UBE3A: variants seen among roughly 807,000 people sequenced by gnomAD.
UBE3A encodes ubiquitin protein ligase E3A, also known as ubiquitin-protein ligase E3A.
In UBE3A, 6 loss-of-function variants were observed where a neutral mutation model predicts 83.4. The ratio of observed to expected loss-of-function variants is 0.07; its 90% CI spans 0.04 to 0.14. UBE3A has a LOEUF of 0.14. Among genes scored for constraint, UBE3A ranks in the 10% least tolerant of loss-of-function variants. UBE3A has a pLI of 1.00. For missense variants in UBE3A, 456 were observed against 1,036.1 expected (o/e 0.44, Z 7.69); for synonymous variants, 337 against 355.4 (o/e 0.95, Z 0.58).
chr15:25,390,952 A>AC (rs1311055018), intron 4 of UBE3A, among the ~76,000 whole-genome samples: 1 of 152,016 alleles, frequency 6.6e-6, no homozygotes, highest in African/African-American at 2.4e-5. Context: ...AAAAAAAAAA[A>AC]ATCTAAAAAA....
At chr15:25,414,608 G>A (rs951327572) in intron 1 of UBE3A, among the ~76,000 whole-genome samples, 1 of 152,182 alleles carries the variant, frequency 6.6e-6, no homozygotes, top group African/African-American at 2.4e-5. Flanking sequence ...AACCCTGTGA[G>A]GTAATGATGG....
rs879845995 is a variant in UBE3A, at chr15:25,336,575, T to G, written c.*2562A>C. 2 of 150,436 alleles carry G rather than the reference T, an allele frequency of 1.3e-5. No individual in the cohort carries two copies. The highest frequency in any genetic ancestry group is 2.4e-5 in the African/African-American group (1 of 40,864). 9.3% of individuals were successfully genotyped at this position (150,436 alleles called of 1,614,324 possible). ...GATATGTATCTATCTATCTATCATC[T>G]CCCTATACAAGCAAGCATCCCCAAA... On this transcript the variant is annotated 3_prime_UTR_variant, in exon 13 of 13. Transcript: ENST00000648336.
chr15:25,340,343 TCAGGA>T (rs2074537877), intron 11 of UBE3A, 115 bp from the exon 12 acceptor site: 4 of 1,242,462 alleles, frequency 3.2e-6, no homozygotes, highest in Non-Finnish European at 4.6e-6. Flanking sequence ...AAGTTAATTA[TCAGGA>T]TAGTATCACT....
chr15:25,358,197 C>G (rs534252379), intron 7 of UBE3A, among the ~76,000 whole-genome samples: 33 of 151,968 alleles, frequency 2.2e-4, no homozygotes, highest in African/African-American at 7.2e-4. Flanking sequence ...GATGGAGAAA[C>G]CCCATCTCTA....
chr15:25,376,481 A>C (rs1304976033), intron 4 of UBE3A, among the ~76,000 whole-genome samples: 3 of 151,994 alleles, frequency 2.0e-5, no homozygotes, highest in Non-Finnish European at 4.4e-5. Flanking sequence ...GCTACTCTCT[A>C]CAAACTTTTT....
intron 6 of UBE3A, among the ~76,000 whole-genome samples, chr15:25,366,089 C>T (rs1338822100): frequency 6.6e-6 from 1 of 152,052 alleles, no homozygotes; most frequent in Non-Finnish European, 1.5e-5. Context: ...TTATATAATG[C>T]TGAGGATCTA....
At position 25,375,447 on chromosome 15, in the gene UBE3A, G is replaced by T; in HGVS notation, c.361+18C>A. The T allele has an allele frequency of 6.2e-7, 1 of 1,612,552 alleles. No individual in the cohort carries two copies. The highest frequency in any genetic ancestry group is 8.5e-7 in the Non-Finnish European group (1 of 1,179,318). On this transcript the variant is annotated intron_variant, in intron 5 of 12. Transcript: ENST00000648336. ...GGTTTTCAGGCAACAATTCTCAATT[G>T]AAAATAAAACATCTTACCTTTAAAA...
Position 25,404,038 on chromosome 15 carries a change from A to C in UBE3A, c.62+1423T>G, listed in dbSNP as rs986538406. Among the ~76,000 whole-genome samples, 7 of 152,190 alleles carry C rather than the reference A, an allele frequency of 4.6e-5. 1 individual carries two copies. Among genetic ancestry groups the C allele is most frequent in the Admixed American group, 3.3e-4 (5 of 15,268 alleles). On this transcript the variant is annotated intron_variant, in intron 4 of 12. Transcript: ENST00000648336. The stretch of plus-strand genomic sequence containing the variant: ...CGTGACTGTGCAACAATATTAATAT[A>C]CTTAATACCATTGAGCCAAATACTT...
At chr15:25,404,858 A>C (rs2088087514) in intron 4 of UBE3A, among the ~76,000 whole-genome samples, 1 of 152,142 alleles carries the variant, frequency 6.6e-6, no homozygotes, top group South Asian at 2.1e-4. Context: ...GCCTGGAATA[A>C]GCCGCTCATG....
At chr15:25,358,196 A>C (rs2077512528) in intron 7 of UBE3A, among the ~76,000 whole-genome samples, 1 of 151,958 alleles carries the variant, frequency 6.6e-6, no homozygotes, top group African/African-American at 2.4e-5. Flanking sequence ...AGATGGAGAA[A>C]CCCCATCTCT....
chr15:25,364,535 G>T (rs1180929966), intron 6 of UBE3A, among the ~76,000 whole-genome samples: 2 of 152,014 alleles, frequency 1.3e-5, no homozygotes, highest in Non-Finnish European at 2.9e-5. Context: ...AATGCATTAG[G>T]ATATTTGAAA....
intron 1 of UBE3A, among the ~76,000 whole-genome samples, chr15:25,434,969 TACACACACACACACACACACACAC>T (rs55856025): frequency 2.7e-4 from 38 of 143,000 alleles, no homozygotes; most frequent in Middle Eastern, 3.5e-3. Context: ...TCTATATACA[TACACACACACACACACACACACAC>T]ACACACACAC....
intron 6 of UBE3A, among the ~76,000 whole-genome samples, chr15:25,369,873 G>A (rs2080015487): frequency 6.6e-6 from 1 of 152,152 alleles, no homozygotes; most frequent in Admixed American, 6.5e-5. Flanking sequence ...TGAGTTTCCA[G>A]TATTTCCCTG....
At chr15:25,345,657 G>A (rs2075574669) in intron 11 of UBE3A, 1 of 152,090 alleles carries the variant, frequency 6.6e-6, no homozygotes, top group African/African-American at 2.4e-5. Context: ...GCATATACAT[G>A]AGAATGGTGT....
chr15:25,361,930 C>CA (rs1223011620), intron 6 of UBE3A, among the ~76,000 whole-genome samples: 7 of 152,110 alleles, frequency 4.6e-5, no homozygotes, highest in African/African-American at 1.7e-4. Flanking sequence ...AGTCTGTCTA[C>CA]AAAAAATAAA....
At chr15:25,356,975 A>G in intron 7 of UBE3A, 79 bp from the exon 8 acceptor site, 1 of 1,201,396 alleles carries the variant, frequency 8.3e-7, no homozygotes, top group South Asian at 1.3e-5. Flanking sequence ...ATAAACTTAA[A>G]ATAATTATGC....
chr15:25,368,387 TA>T (rs889161477), intron 6 of UBE3A, among the ~76,000 whole-genome samples: 2 of 151,774 alleles, frequency 1.3e-5, no homozygotes, highest in African/African-American at 4.8e-5. Flanking sequence ...GTTATTTTTT[TA>T]AAAAAAAGAA....
In UBE3A at chr15:25,438,657, G is replaced by T. The variant is rs1246192203; in HGVS notation, c.-333C>A. On this transcript the variant is annotated 5_prime_UTR_variant, in exon 1 of 13. Coordinates refer to ENST00000648336, the MANE Select transcript of UBE3A (RefSeq NM_130839.5). ...GGAAAACGAGGCCGGGAAAGGGAGC[G>T]CCGGGGCCGCCGAAATCCCGGCGTT... 1 of 152,526 alleles carries T rather than the reference G, an allele frequency of 6.6e-6. No individual in the cohort carries two copies. The highest frequency in any genetic ancestry group is 2.4e-5 in the African/African-American group (1 of 41,466). The allele number at this position is 152,526 out of a possible 1,614,324, so 9.4% of individuals were successfully genotyped here.
intron 4 of UBE3A, among the ~76,000 whole-genome samples, chr15:25,377,211 G>A (rs2081365149): frequency 1.3e-5 from 2 of 152,134 alleles, no homozygotes; most frequent in East Asian, 3.9e-4. Flanking sequence ...AGAAACACAC[G>A]AGATCCAATT....
Sources: allele counts gnomAD v4.1 joint callset (sites outside exome capture counted in the v4.1 genomes callset), GRCh38; gene constraint gnomAD v4.1.1; transcripts MANE v1.5; gene names NCBI Gene and HGNC (gene_info 2026-07-23, HGNC 2026-07-21).